The following PDE1A variants were observed in gnomAD, a reference collection of about 807,000 sequenced individuals.
PDE1A encodes phosphodiesterase 1A.
A neutral mutation model predicts 61.7 loss-of-function variants in PDE1A; 35 were observed. The observed-to-expected ratio is 0.57, with a 90% confidence interval of 0.43 to 0.75. The LOEUF is 0.75. Ranked by LOEUF, PDE1A falls within the 30% of genes least tolerant of loss-of-function variation. PDE1A has a pLI of 0.00. For synonymous variants in PDE1A, 232 were observed against 213.2 expected (o/e 1.09, Z -0.77); for missense variants, 597 against 630.6 (o/e 0.95, Z 0.57).
chr2:182,277,751 A>C (rs1017889547), intron 1 of PDE1A, among the ~76,000 whole-genome samples: 1 of 152,110 alleles, frequency 6.6e-6, no homozygotes, highest in Non-Finnish European at 1.5e-5. Flanking sequence ...TTCTCATTTA[A>C]CTGAGGTAAG....
chr2:182,201,789 C>A (rs773524407), exon 9 of PDE1A: 1 of 1,584,484 alleles, frequency 6.3e-7, no homozygotes, highest in African/African-American at 1.4e-5. Flanking sequence ...TCCGAAGATC[C>A]CTGCAGAGTC....
At chr2:182,149,050 AT>A (rs1476393359) in intron 13 of PDE1A, among the ~76,000 whole-genome samples, 2 of 152,098 alleles carry the variant, frequency 1.3e-5, no homozygotes, top group Non-Finnish European at 2.9e-5. Flanking sequence ...GACATTTATC[AT>A]GTTAGAGTCT....
chr2:182,344,267 C>A (rs1302156164), intron 1 of PDE1A, among the ~76,000 whole-genome samples: 3 of 151,916 alleles, frequency 2.0e-5, no homozygotes, highest in African/African-American at 7.3e-5. Flanking sequence ...TATAGGGAAT[C>A]TTATTCATAT....
intron 6 of PDE1A, among the ~76,000 whole-genome samples, chr2:182,225,834 C>A (rs1216070473): frequency 1.3e-5 from 2 of 149,980 alleles, no homozygotes; most frequent in African/African-American, 5.1e-5. Flanking sequence ...AATTCATGTA[C>A]AAATGCCTCA....
the PDE1A span, among the ~76,000 whole-genome samples, chr2:182,637,949 A>G: frequency 2.0e-5 from 3 of 152,158 alleles, no homozygotes. Context: ...AAGTCATACA[A>G]AAAAGGAAAA....
the PDE1A span, among the ~76,000 whole-genome samples, chr2:182,644,304 T>A: frequency 6.6e-6 from 1 of 151,058 alleles, no homozygotes; most frequent in Non-Finnish European, 1.5e-5. Context: ...TGTGTGTCTG[T>A]GTGTGTCTGT....
At chr2:182,651,578 A>G in the PDE1A span, among the ~76,000 whole-genome samples, 1 of 152,220 alleles carries the variant, frequency 6.6e-6, no homozygotes, top group East Asian at 1.9e-4. Context: ...ATTTATTCAA[A>G]GGAATTCTAA....
At chr2:182,447,209 T>C (rs1685199485) in intron 2 of PDE1A, among the ~76,000 whole-genome samples, 1 of 151,990 alleles carries the variant, frequency 6.6e-6, no homozygotes, top group Non-Finnish European at 1.5e-5. Flanking sequence ...AATTTTCATG[T>C]TCCTCATTAT....
chr2:182,389,958 C>T (rs567600661), intron 1 of PDE1A, among the ~76,000 whole-genome samples: 20 of 152,202 alleles, frequency 1.3e-4, no homozygotes, highest in African/African-American at 4.6e-4. Flanking sequence ...GGGCGGTTTG[C>T]GAGGGGCTCT....
chr2:182,527,349 T>A (rs1458128678), upstream of PDE1A, among the ~76,000 whole-genome samples: 191 of 84,070 alleles, frequency 2.3e-3, 34 homozygotes, highest in African/African-American at 0.012. Context: ...TATATATATA[T>A]ATATATATAT....
At chr2:182,553,995 T>A in the PDE1A span, among the ~76,000 whole-genome samples, 2 of 152,238 alleles carry the variant, frequency 1.3e-5, no homozygotes, top group African/African-American at 4.8e-5. Context: ...TCACAGACTG[T>A]TTTAGGCAGG....
the PDE1A span, among the ~76,000 whole-genome samples, chr2:182,536,946 C>T: frequency 0.64 from 97,248 of 152,018 alleles, 34,550 homozygotes; most frequent in East Asian, 0.95. Flanking sequence ...TTCTAGTCCC[C>T]AGCTTCTTTA....
At chr2:182,712,714 G>A in the PDE1A span, among the ~76,000 whole-genome samples, 2 of 151,852 alleles carry the variant, frequency 1.3e-5, no homozygotes, top group African/African-American at 2.4e-5. Context: ...CCACCACCAC[G>A]CCTGGCTAAT....
At chr2:182,499,996 T>C (rs35361731) in intron 2 of PDE1A, among the ~76,000 whole-genome samples, 51,320 of 151,876 alleles carry the variant, frequency 0.34, 10,490 homozygotes, top group Middle Eastern at 0.48. Flanking sequence ...AACAATACAA[T>C]ACCAATTAAA....
chr2:182,332,793 A>T (rs1056494550), intron 1 of PDE1A, among the ~76,000 whole-genome samples: 1 of 152,120 alleles, frequency 6.6e-6, no homozygotes, highest in African/African-American at 2.4e-5. Context: ...CCCTGCTGGG[A>T]GGTGCCTCCC....
chr2:182,482,198 TA>T (rs1687743775), intron 2 of PDE1A, among the ~76,000 whole-genome samples: 1 of 151,854 alleles, frequency 6.6e-6, no homozygotes, highest in African/African-American at 2.4e-5. Context: ...ATGTAGGAAG[TA>T]AAAAGTAGAG....
rs559787672 is a variant in PDE1A, at chr2:182,188,911, A to G, written c.1207+68T>C. ...CATGCAAGTTACCCCTTTGAACAACATCGTTTACCCATTTGAAAACTGACA... is the reference window on the plus strand; with the variant it reads ...CATGCAAGTTACCCCTTTGAACAACGTCGTTTACCCATTTGAAAACTGACA... On this transcript the variant is annotated intron_variant, in intron 11 of 13. Transcript: ENST00000351439. The G allele has an allele frequency of 3.0e-6, 3 of 1,010,350 alleles. No individual in the cohort carries two copies. In the East Asian group the frequency reaches 7.3e-5, roughly 24 times the overall value. The allele number at this position is 1,010,350 out of a possible 1,614,324, so 62.6% of individuals were successfully genotyped here.
At chr2:182,526,683 A>G (rs66469653), upstream of PDE1A, among the ~76,000 whole-genome samples, 10,029 of 152,272 alleles carry the variant, frequency 0.066, 354 homozygotes, top group Middle Eastern at 0.1. Flanking sequence ...AAAACTTAAA[A>G]TGATCTTGGG....
intron 1 of PDE1A, among the ~76,000 whole-genome samples, chr2:182,396,157 C>T (rs13403996): frequency 2.0e-5 from 3 of 152,302 alleles, no homozygotes; most frequent in East Asian, 3.9e-4. Context: ...GTGGAGCTGA[C>T]AGAGGAAGAG....
Sources: allele counts gnomAD v4.1 joint callset (sites outside exome capture counted in the v4.1 genomes callset), GRCh38; gene constraint gnomAD v4.1.1; transcripts MANE v1.5; gene names NCBI Gene and HGNC (gene_info 2026-07-23, HGNC 2026-07-21).